Variants in CFAP61 observed in about 807,000 individuals in gnomAD.
CFAP61 encodes cilia- and flagella-associated protein 61.
Under a neutral mutation model 135.6 loss-of-function variants are expected in CFAP61, and 107 were observed. The observed-to-expected ratio is 0.79, with a 90% confidence interval of 0.67 to 0.93. The LOEUF (loss-of-function observed/expected upper bound fraction) is 0.93, where lower values mean the gene tolerates loss of function less well. CFAP61 is among the 40% of genes least tolerant of loss of function. CFAP61 has a pLI of 0.00. For missense variants in CFAP61, 1,507 were observed against 1,556.2 expected, an observed-to-expected ratio of 0.97 and a Z score of 0.53; for synonymous variants, 575 against 578.5, an observed-to-expected ratio of 0.99 and a Z score of 0.09.
intron 20 of CFAP61, among the ~76,000 whole-genome samples, chr20:20,256,847 T>G (rs2051636852): frequency 6.6e-6 from 1 of 152,218 alleles, no homozygotes; most frequent in African/African-American, 2.4e-5. Context: ...AGAAAAATTT[T>G]CTCAGTTATG....
In CFAP61 at chr20:20,358,218, G is replaced by T. The variant is rs536147502; in HGVS notation, c.3514-1992G>T. Among the ~76,000 whole-genome samples, 5 of 150,288 alleles carry T rather than the reference G, an allele frequency of 3.3e-5. No homozygotes were observed. The South Asian group carries it at 1.1e-3, about 32-fold the overall frequency. On this transcript the variant is annotated intron_variant, in intron 26 of 26. Transcript: ENST00000245957. ...GAGGGGAATGGTCATACTGTGAGGG[G>T]AGGTGGTCACACTGAGGGGAAGTGG...
At position 20,145,124 on chromosome 20, in the gene CFAP61, TAA is replaced by T. The variant is rs772028086; in HGVS notation, c.951+2178_951+2179del. Among the ~76,000 whole-genome samples, 25 of 152,268 alleles carry T rather than the reference TAA, an allele frequency of 1.6e-4. No homozygotes were observed. In the East Asian group the frequency reaches 4.4e-3, roughly 27 times the overall value. On this transcript the variant is annotated intron_variant, in intron 9 of 26. Transcript: ENST00000245957. ...GCACTGGAAATGGTAACAAAGTGGG[TAA>T]ATATATAAGATTTTATCCTTAATAT...
At chr20:20,246,645 G>C (rs2050480349) in intron 19 of CFAP61, among the ~76,000 whole-genome samples, 1 of 152,230 alleles carries the variant, frequency 6.6e-6, no homozygotes, top group Non-Finnish European at 1.5e-5. Flanking sequence ...GTCTGGGTGA[G>C]CTTTATTGTC....
At chr20:20,350,908 A>G (rs544307106) in intron 26 of CFAP61, among the ~76,000 whole-genome samples, 11 of 152,348 alleles carry the variant, frequency 7.2e-5, no homozygotes, top group African/African-American at 2.2e-4. Flanking sequence ...TCCTTTCATG[A>G]TTGAAAATAA....
At chr20:20,259,057 T>C (rs2051920255) in intron 20 of CFAP61, among the ~76,000 whole-genome samples, 1 of 152,188 alleles carries the variant, frequency 6.6e-6, no homozygotes. Context: ...GGGCTTATAC[T>C]TGATGGCTTT....
chr20:20,221,443 G>T (rs995188877), intron 17 of CFAP61, among the ~76,000 whole-genome samples: 1 of 152,104 alleles, frequency 6.6e-6, no homozygotes, highest in Non-Finnish European at 1.5e-5. Flanking sequence ...AATCTAAGTT[G>T]CTATCAATTA....
intron 8 of CFAP61, among the ~76,000 whole-genome samples, chr20:20,106,802 T>A (rs1283472386): frequency 6.6e-6 from 1 of 152,236 alleles, no homozygotes; most frequent in Non-Finnish European, 1.5e-5. Context: ...CACAGTTTGT[T>A]GTTGTTTTCC....
At chr20:20,075,467 T>A in intron 5 of CFAP61, 22 bp from the exon 6 acceptor site, 1 of 1,612,346 alleles carries the variant, frequency 6.2e-7, no homozygotes, top group Non-Finnish European at 8.5e-7. Flanking sequence ...TAAGGACATG[T>A]TTCTTTATCT....
chr20:20,141,402 T>C (rs530009181), intron 8 of CFAP61, among the ~76,000 whole-genome samples: 1 of 152,362 alleles, frequency 6.6e-6, no homozygotes, highest in South Asian at 2.1e-4. Context: ...TGGAAAATTC[T>C]GCAGGGTGCA....
In CFAP61 at chr20:20,102,254, C is replaced by G. The variant is rs541636304; in HGVS notation, c.859+3440C>G. On this transcript the variant is annotated intron_variant, in intron 8 of 26. Transcript: ENST00000245957. ...AACTGAATCTTTAACTTAAGATTTG[C>G]CTCTGAGGCAAGTGAGACCAAGACA... Among the ~76,000 whole-genome samples, 4 of 152,304 alleles carry G rather than the reference C, an allele frequency of 2.6e-5. No homozygotes were observed. In the East Asian group the frequency reaches 7.7e-4, roughly 29 times the overall value.
At chr20:20,293,083 CA>C (rs1298669556) in intron 24 of CFAP61, among the ~76,000 whole-genome samples, 2 of 152,192 alleles carry the variant, frequency 1.3e-5, no homozygotes, top group Admixed American at 1.3e-4. Flanking sequence ...ACAGGCTAAG[CA>C]CTTTGATCAT....
intron 25 of CFAP61, among the ~76,000 whole-genome samples, chr20:20,341,435 A>T (rs2058441933): frequency 6.6e-6 from 1 of 152,260 alleles, no homozygotes; most frequent in Non-Finnish European, 1.5e-5. Context: ...AGAAAGCTTA[A>T]TGATGAACAA....
chr20:20,286,640 C>G (rs2054607201), intron 22 of CFAP61, among the ~76,000 whole-genome samples: 1 of 152,212 alleles, frequency 6.6e-6, no homozygotes, highest in South Asian at 2.1e-4. Flanking sequence ...TAGTATTCCA[C>G]TGGCGTTACA....
At chr20:20,320,354 A>ATAATATATGTAATATATATTATATATATG (rs2057387829) in intron 25 of CFAP61, among the ~76,000 whole-genome samples, 3 of 51,066 alleles carry the variant, frequency 5.9e-5, no homozygotes, top group East Asian at 6.0e-4. Flanking sequence ...TGTAATATAT[A>ATAATATATGTAATATATATTATATATATG]TAATATATGT....
At chr20:20,347,266 T>TAAG (rs972726236) in intron 26 of CFAP61, among the ~76,000 whole-genome samples, 3 of 152,202 alleles carry the variant, frequency 2.0e-5, no homozygotes, top group African/African-American at 7.2e-5. Flanking sequence ...TTTAAAGCTA[T>TAAG]AAGTGCCTAC....
At chr20:20,190,166 G>A (rs750381161) in intron 14 of CFAP61, among the ~76,000 whole-genome samples, 25 of 152,196 alleles carry the variant, frequency 1.6e-4, no homozygotes, top group Non-Finnish European at 2.6e-4. Context: ...CCAGAGAAAT[G>A]AAGAGTTTAC....
chr20:20,301,097 A>T (rs2056061045), intron 25 of CFAP61, among the ~76,000 whole-genome samples: 1 of 152,170 alleles, frequency 6.6e-6, no homozygotes. Context: ...GTATTGTATG[A>T]TAATGTCCGA....
intron 10 of CFAP61, among the ~76,000 whole-genome samples, chr20:20,159,779 A>G (rs1601060655): frequency 6.6e-6 from 1 of 152,234 alleles, no homozygotes; most frequent in East Asian, 1.9e-4. Flanking sequence ...AAACATTTGT[A>G]AGAGTTTTCT....
At chr20:20,199,644 AT>A (rs11474984) in intron 16 of CFAP61, 123 bp from the exon 17 acceptor site, 266,012 of 841,392 alleles carry the variant, frequency 0.32, 28,918 homozygotes, top group Middle Eastern at 0.45. Context: ...TTATTTGCTG[AT>A]TTTTTTTTTT....
Sources: allele counts gnomAD v4.1 joint callset (sites outside exome capture counted in the v4.1 genomes callset), GRCh38; gene constraint gnomAD v4.1.1; transcripts MANE v1.5; gene names NCBI Gene and HGNC (gene_info 2026-07-23, HGNC 2026-07-21).